TENM4: variants seen among roughly 807,000 people sequenced by gnomAD.
TENM4 encodes teneurin-4.
A neutral mutation model predicts 243.3 loss-of-function variants in TENM4; 82 were observed. That is an observed-to-expected ratio of 0.34 (90% CI 0.28 to 0.40). The LOEUF is 0.40. Among genes scored for constraint, TENM4 ranks in the 10% least tolerant of loss-of-function variants. TENM4 has a pLI of 1.00. For missense variants in TENM4, 3,138 were observed against 3,673.3 expected, an observed-to-expected ratio of 0.85 and a Z score of 3.77; for synonymous variants, 1,412 against 1,456.3, an observed-to-expected ratio of 0.97 and a Z score of 0.69.
chr11:79,331,466 T>G (rs1857061159), intron 1 of TENM4, among the ~76,000 whole-genome samples: 1 of 152,124 alleles, frequency 6.6e-6, no homozygotes, highest in African/African-American at 2.4e-5. Context: ...GCCTGGGTGG[T>G]GCTCACAGGG....
chr11:79,086,626 G>A (rs192898398), intron 4 of TENM4, among the ~76,000 whole-genome samples: 478 of 152,200 alleles, frequency 3.1e-3, no homozygotes, highest in Non-Finnish European at 5.0e-3. Context: ...TTGAGGTCAG[G>A]AGTTTAAGAC....
chr11:79,070,028 A>G lies in TENM4; in HGVS notation c.-65-19T>C. 6.7e-7 allele frequency: 1 copy of G among 1,486,964 alleles called. No individual in the cohort carries two copies. Among genetic ancestry groups the G allele is most frequent in the Non-Finnish European group, 8.9e-7 (1 of 1,121,460 alleles). 92.1% of individuals were successfully genotyped at this position (1,486,964 alleles called of 1,614,324 possible). ...GAGTGGTCTAGAGCCAGGGAAACCA[A>G]AGATAGGGCGTGAGAGGCAGAGAAC... On this transcript the variant is annotated intron_variant, in intron 4 of 33. Coordinates refer to ENST00000278550, the MANE Select transcript of TENM4 (RefSeq NM_001098816.3).
At chr11:79,111,326 A>G (rs1861500996) in intron 4 of TENM4, among the ~76,000 whole-genome samples, 1 of 152,134 alleles carries the variant, frequency 6.6e-6, no homozygotes, top group Non-Finnish European at 1.5e-5. Context: ...TGGGTAGATT[A>G]CAAGGTCAGG....
chr11:79,138,382 A>G (rs1240504541), intron 4 of TENM4, among the ~76,000 whole-genome samples: 1 of 122,026 alleles, frequency 8.2e-6, no homozygotes, highest in African/African-American at 3.2e-5. Context: ...TATAATATAT[A>G]TTATATAATA....
chr11:79,218,771 A>G (rs1300238789), intron 2 of TENM4, among the ~76,000 whole-genome samples: 1 of 152,250 alleles, frequency 6.6e-6, no homozygotes, highest in Non-Finnish European at 1.5e-5. Context: ...GACAAAACAA[A>G]GACAGTTAAT....
intron 9 of TENM4, among the ~76,000 whole-genome samples, chr11:78,886,521 C>T (rs983742498): frequency 1.8e-4 from 28 of 152,324 alleles, no homozygotes; most frequent in African/African-American, 6.7e-4. Context: ...CCTGCGTTGG[C>T]TTATACCAAG....
At chr11:79,106,860 T>C (rs1861383033) in intron 4 of TENM4, among the ~76,000 whole-genome samples, 1 of 152,220 alleles carries the variant, frequency 6.6e-6, no homozygotes, top group African/African-American at 2.4e-5. Context: ...TGTAAGTAGA[T>C]TAGAGATGAA....
chr11:78,842,342 A>G (rs1442876187), intron 12 of TENM4, among the ~76,000 whole-genome samples: 1 of 152,216 alleles, frequency 6.6e-6, no homozygotes, highest in Non-Finnish European at 1.5e-5. Flanking sequence ...CCTCCTTTAT[A>G]CAAAAGCGGT....
At chr11:79,400,204 T>C (rs1858433082) in intron 1 of TENM4, among the ~76,000 whole-genome samples, 1 of 151,418 alleles carries the variant, frequency 6.6e-6, no homozygotes, top group African/African-American at 2.4e-5. Context: ...AACAAGACCA[T>C]ATCCCCATAT....
intron 6 of TENM4, among the ~76,000 whole-genome samples, chr11:79,006,499 T>G (rs1205835144): frequency 6.6e-6 from 1 of 152,208 alleles, no homozygotes; most frequent in Non-Finnish European, 1.5e-5. Flanking sequence ...CAAGGCATTT[T>G]AATATCTGAT....
intron 4 of TENM4, among the ~76,000 whole-genome samples, chr11:79,120,833 A>G (rs1219449711): frequency 6.6e-6 from 1 of 152,218 alleles, no homozygotes; most frequent in Admixed American, 6.5e-5. Context: ...CAACAAATAA[A>G]TAACTTACTA....
At chr11:79,366,224 C>T (rs1305106583) in intron 1 of TENM4, among the ~76,000 whole-genome samples, 10 of 152,202 alleles carry the variant, frequency 6.6e-5, no homozygotes, top group Admixed American at 5.9e-4. Context: ...GCAGCATTAG[C>T]GGAGGTGCAG....
At chr11:78,991,847 C>A (rs2136666020) in intron 6 of TENM4, among the ~76,000 whole-genome samples, 1 of 152,316 alleles carries the variant, frequency 6.6e-6, no homozygotes. Context: ...CAGACCCAGG[C>A]AAAACACTGG....
chr11:79,045,923 C>T (rs939971374), intron 6 of TENM4, among the ~76,000 whole-genome samples: 3 of 152,224 alleles, frequency 2.0e-5, no homozygotes, highest in East Asian at 1.9e-4. Flanking sequence ...TTCTTGCTCA[C>T]GTGTTCCCCA....
chr11:79,364,719 C>T (rs1226886542), intron 1 of TENM4, among the ~76,000 whole-genome samples: 1 of 152,188 alleles, frequency 6.6e-6, no homozygotes, highest in Non-Finnish European at 1.5e-5. Context: ...CACACTGAGG[C>T]CCCAAGTTAC....
intron 7 of TENM4, among the ~76,000 whole-genome samples, chr11:78,893,008 T>C (rs1183082305): frequency 6.6e-6 from 1 of 152,216 alleles, no homozygotes. Flanking sequence ...TAACATCCCT[T>C]GGGACAGTGG....
intron 4 of TENM4, among the ~76,000 whole-genome samples, chr11:79,128,859 G>A (rs1343090124): frequency 2.6e-5 from 4 of 152,182 alleles, no homozygotes; most frequent in Admixed American, 2.6e-4. Context: ...AGCATGATTG[G>A]AAAATTGGTG....
intron 3 of TENM4, among the ~76,000 whole-genome samples, chr11:79,187,190 T>C (rs1024715876): frequency 2.6e-5 from 4 of 152,258 alleles, no homozygotes; most frequent in African/African-American, 9.6e-5. Flanking sequence ...GAGCCTCATC[T>C]ATTAATTTGA....
At chr11:79,018,447 C>T (rs914461961) in intron 6 of TENM4, among the ~76,000 whole-genome samples, 2 of 152,106 alleles carry the variant, frequency 1.3e-5, no homozygotes, top group Admixed American at 6.5e-5. Context: ...CACTCTCACA[C>T]ACATGCACAC....
Sources: gnomAD v4.1 joint callset for allele counts (sites outside exome capture counted in the v4.1 genomes callset) on GRCh38, gnomAD v4.1.1 for gene constraint, MANE v1.5 for transcripts, NCBI Gene and HGNC (gene_info 2026-07-23, HGNC 2026-07-21) for gene names.